Variants in ENOX1 observed in about 807,000 individuals in gnomAD.
ENOX1 encodes the protein ecto-NOX disulfide-thiol exchanger 1, also known as candidate growth-related and time keeping constitutive hydroquinone (NADH) oxidase.
A neutral mutation model predicts 82.5 loss-of-function variants in ENOX1; 42 were observed. The ratio of observed to expected loss-of-function variants is 0.51; its 90% confidence interval spans 0.40 to 0.66. ENOX1 has a LOEUF of 0.66. Ranked by LOEUF, ENOX1 falls within the 30% of genes least tolerant of loss-of-function variation. The pLI is 0.00. For missense variants in ENOX1, 608 were observed against 811.6 expected (o/e 0.75, Z 3.05); for synonymous variants, 271 against 282.2 (o/e 0.96, Z 0.40).
chr13:43,352,828 C>G (rs1195094945), intron 8 of ENOX1, among the ~76,000 whole-genome samples: 1 of 152,208 alleles, frequency 6.6e-6, no homozygotes, highest in Non-Finnish European at 1.5e-5. Flanking sequence ...TCCTCCCTCT[C>G]TCACTCCAGC....
chr13:43,272,863 A>G (rs2044769095), intron 12 of ENOX1, among the ~76,000 whole-genome samples: 1 of 152,120 alleles, frequency 6.6e-6, no homozygotes, highest in African/African-American at 2.4e-5. Flanking sequence ...TGCTTATTTA[A>G]TCTTCAGTCT....
intron 1 of ENOX1, among the ~76,000 whole-genome samples, chr13:43,689,607 T>C (rs976670862): frequency 6.6e-6 from 1 of 152,242 alleles, no homozygotes; most frequent in Non-Finnish European, 1.5e-5. Context: ...TGGACTGCTT[T>C]AGGGCTATGT....
chr13:43,782,581 A>G (rs1423676910), intron 1 of ENOX1, among the ~76,000 whole-genome samples: 4 of 152,190 alleles, frequency 2.6e-5, no homozygotes, highest in Non-Finnish European at 5.9e-5. Context: ...GGCCTCTTTA[A>G]TGGTACTTAA....
intron 2 of ENOX1, among the ~76,000 whole-genome samples, chr13:43,519,620 T>C (rs2153681850): frequency 6.6e-6 from 1 of 152,286 alleles, no homozygotes; most frequent in East Asian, 1.9e-4. Flanking sequence ...GATGTTGGTC[T>C]GGCAGCCAGA....
Position 43,587,951 on chromosome 13 carries a change from C to CAA in ENOX1, c.-219+79526_-219+79527dup, listed in dbSNP as rs34517732. Among the ~76,000 whole-genome samples the CAA allele has an allele frequency of 6.2e-3, 926 of 148,732 alleles. 5 individuals are homozygous for CAA. The highest frequency in any genetic ancestry group is 0.021 in the Middle Eastern group (6 of 286). ...TTTATGGAATTCTCTTTGCATTTTC[C>CAA]AAAAAAAAAAATCTATAACAGGAAA... is the stretch of plus-strand genomic sequence containing the variant. On this transcript the variant is annotated intron_variant, in intron 2 of 16. Coordinates refer to ENST00000690772, the MANE Select transcript of ENOX1 (RefSeq NM_001347969.2).
Position 43,322,516 on chromosome 13 carries a change from T to A in ENOX1, c.1144-15A>T, listed in dbSNP as rs542180801. On this transcript the variant is annotated splice_polypyrimidine_tract_variant and intron_variant, in intron 10 of 16. Transcript: ENST00000690772. The stretch of plus-strand genomic sequence containing the variant: ...TTCCGGAGCTCCTGCAAGTAGAGGA[T>A]ACACAAATGTCAGAGTCACAGACAC... 5 of 1,607,342 alleles carry A rather than the reference T, an allele frequency of 3.1e-6. No individual in the cohort carries two copies. The East Asian group carries it at 1.1e-4, about 36-fold the overall frequency.
intron 1 of ENOX1, among the ~76,000 whole-genome samples, chr13:43,764,038 T>G (rs1205202683): frequency 6.6e-6 from 1 of 152,194 alleles, no homozygotes; most frequent in Non-Finnish European, 1.5e-5. Context: ...CAGTTTAATG[T>G]TTACCTCTCT....
At chr13:43,574,970 G>A (rs149892059) in intron 2 of ENOX1, among the ~76,000 whole-genome samples, 9 of 152,278 alleles carry the variant, frequency 5.9e-5, no homozygotes, top group East Asian at 1.9e-4. Context: ...AAAGCAGTGC[G>A]CCTGGGGAGA....
intron 1 of ENOX1, among the ~76,000 whole-genome samples, chr13:43,756,048 G>A (rs1422585570): frequency 6.6e-6 from 1 of 152,204 alleles, no homozygotes. Flanking sequence ...AAATATATGT[G>A]GTTGACACAT....
chr13:43,440,427 T>C (rs1181196990), intron 3 of ENOX1, among the ~76,000 whole-genome samples: 1 of 152,218 alleles, frequency 6.6e-6, no homozygotes, highest in Non-Finnish European at 1.5e-5. Flanking sequence ...AGTTAAACAT[T>C]TGCTGACACT....
chr13:43,533,738 TA>T (rs1382348842), intron 2 of ENOX1, among the ~76,000 whole-genome samples: 1 of 152,130 alleles, frequency 6.6e-6, no homozygotes, highest in African/African-American at 2.4e-5. Flanking sequence ...CTTAACAAAT[TA>T]AATATATACA....
chr13:43,531,724 C>T (rs1260949455), intron 2 of ENOX1, among the ~76,000 whole-genome samples: 1 of 147,532 alleles, frequency 6.8e-6, no homozygotes, highest in African/African-American at 2.5e-5. Context: ...CACATATACA[C>T]CATGGAATAC....
intron 1 of ENOX1, among the ~76,000 whole-genome samples, chr13:43,771,826 G>T (rs192109139): frequency 6.6e-6 from 1 of 150,878 alleles, no homozygotes; most frequent in Admixed American, 6.6e-5. Flanking sequence ...GTGCAGTGGC[G>T]CCATCTTGGC....
chr13:43,675,539 T>A (rs1167507493), intron 1 of ENOX1, among the ~76,000 whole-genome samples: 3 of 152,212 alleles, frequency 2.0e-5, no homozygotes, highest in Non-Finnish European at 2.9e-5. Context: ...TGGATATATG[T>A]AAACATATAT....
intron 2 of ENOX1, among the ~76,000 whole-genome samples, chr13:43,556,680 T>A (rs2079450596): frequency 6.6e-6 from 1 of 151,744 alleles, no homozygotes. Context: ...TGCTTGGGCT[T>A]GATGATAATT....
chr13:43,410,653 T>C (rs373265213), intron 5 of ENOX1, among the ~76,000 whole-genome samples: 15 of 129,376 alleles, frequency 1.2e-4, no homozygotes, highest in East Asian at 4.2e-4. Context: ...CACACACACA[T>C]ATTACTACAG....
chr13:43,636,598 C>T (rs376474129), intron 2 of ENOX1, among the ~76,000 whole-genome samples: 1 of 152,194 alleles, frequency 6.6e-6, no homozygotes, highest in Non-Finnish European at 1.5e-5. Flanking sequence ...AATTATTCAA[C>T]AAATCTAGAG....
intron 2 of ENOX1, among the ~76,000 whole-genome samples, chr13:43,654,678 A>G (rs1322558747): frequency 3.3e-5 from 5 of 152,240 alleles, no homozygotes; most frequent in Non-Finnish European, 7.3e-5. Flanking sequence ...GAATTTCCAT[A>G]GTCAACCCTA....
intron 2 of ENOX1, among the ~76,000 whole-genome samples, chr13:43,601,406 C>T (rs1433913602): frequency 6.6e-6 from 1 of 151,864 alleles, no homozygotes; most frequent in Non-Finnish European, 1.5e-5. Context: ...CTGAAGAATA[C>T]ATTATAGTCT....
Sources: allele counts gnomAD v4.1 joint callset (sites outside exome capture counted in the v4.1 genomes callset), GRCh38; gene constraint gnomAD v4.1.1; transcripts MANE v1.5; gene names NCBI Gene and HGNC (gene_info 2026-07-23, HGNC 2026-07-21).